NBPF9: variants seen among roughly 807,000 people sequenced by gnomAD.
NBPF9 encodes the protein NBPF family member NBPF9.
A neutral mutation model predicts 97.8 loss-of-function variants in NBPF9; 91 were observed. The observed-to-expected ratio is 0.93, with a 90% confidence interval of 0.79 to 1.11. The LOEUF (loss-of-function observed/expected upper bound fraction) is 1.11, where lower values mean the gene tolerates loss of function less well. NBPF9 is among the 50% of genes least tolerant of loss of function. The probability of loss-of-function intolerance (pLI) is 0.00; values close to 1 mark genes in which losing one functional copy is unlikely to be tolerated. For synonymous variants in NBPF9, 334 were observed against 359.5 expected (o/e 0.93, Z 0.80); for missense variants, 992 against 939.5 (o/e 1.06, Z -0.73).
intron 7 of NBPF9, among the ~76,000 whole-genome samples, chr1:149,081,101 T>C: frequency 6.6e-6 from 1 of 152,182 alleles, no homozygotes; most frequent in African/African-American, 2.4e-5. Context: ...TCTTTTATTT[T>C]TATTTTTGAT....
chr1:149,097,211 G>T (rs1377239000), intron 4 of NBPF9, among the ~76,000 whole-genome samples: 3 of 151,258 alleles, frequency 2.0e-5, no homozygotes, highest in African/African-American at 7.3e-5. Flanking sequence ...GGAAGGAAAT[G>T]AACAAATTTA....
chr1:149,072,659 G>T, intron 14 of NBPF9, 59 bp downstream of exon 14: 1 of 1,550,386 alleles, frequency 6.5e-7, no homozygotes, highest in Non-Finnish European at 8.9e-7. Flanking sequence ...AAAGTATGGA[G>T]GTCTGGAGCC....
intron 7 of NBPF9, among the ~76,000 whole-genome samples, chr1:149,081,355 T>C (rs1422513084): frequency 6.6e-6 from 1 of 151,944 alleles, no homozygotes; most frequent in Non-Finnish European, 1.5e-5. Flanking sequence ...GCTGACCTCG[T>C]GCTCTGCCCG....
In NBPF9 at chr1:149,082,303, C is replaced by T; in HGVS notation, c.-67G>A. 3 of 1,554,222 alleles carry T rather than the reference C, an allele frequency of 1.9e-6. No individual in the cohort carries two copies. The highest frequency in any genetic ancestry group is 1.4e-5 in the African/African-American group (1 of 72,036). ...GTTGTGAAAAATGTGATCACTCCCA[C>T]AGCACTTTAGGATCCTTCACCACAA... On this transcript the variant is annotated 5_prime_UTR_variant, in exon 6 of 30. The change creates a new upstream start codon in the 5' untranslated region. Transcript: ENST00000584027.
rs1553653417 is a variant in NBPF9 at position 149,073,206 on chromosome 1, A to G, written c.1092-274T>C. On this transcript the variant is annotated intron_variant, in intron 13 of 29. Transcript: ENST00000584027. ...GTAGGTGTTTTCCTAATTCCATTTC[A>G]AAAAGACATCCTTTCAGTTCCTCAC... Among the ~76,000 whole-genome samples the G allele has an allele frequency of 2.0e-5, 3 of 148,516 alleles. No individual in the cohort carries two copies. In the South Asian group the frequency reaches 6.6e-4, roughly 32 times the overall value.
intron 7 of NBPF9, 31 bp downstream of exon 7, chr1:149,081,934 A>C (rs2080490768): frequency 4.3e-5 from 63 of 1,452,798 alleles, no homozygotes; most frequent in Non-Finnish European, 6.0e-5. Flanking sequence ...ATCATTCATC[A>C]CTTTCATGAC....
chr1:149,095,531 C>T (rs2081690993), intron 4 of NBPF9, among the ~76,000 whole-genome samples: 1 of 145,406 alleles, frequency 6.9e-6, no homozygotes, highest in Non-Finnish European at 1.5e-5. Flanking sequence ...AAAAGCAAGT[C>T]ACAGACTGGG....
intron 14 of NBPF9, 52 bp downstream of exon 14, chr1:149,072,666 A>G (rs2079509581): frequency 2.5e-6 from 4 of 1,580,238 alleles, no homozygotes; most frequent in East Asian, 2.2e-5. Flanking sequence ...GGAGGTCTGG[A>G]GCCTCTCATA....
chr1:149,093,015 G>T (rs1559544306), intron 4 of NBPF9, among the ~76,000 whole-genome samples: 1 of 151,580 alleles, frequency 6.6e-6, no homozygotes, highest in Admixed American at 6.6e-5. Context: ...GCATACAGAG[G>T]ACCCATGCCG....
intron 4 of NBPF9, among the ~76,000 whole-genome samples, chr1:149,096,965 A>C (rs1445765596): frequency 2.7e-5 from 4 of 148,620 alleles, no homozygotes; most frequent in Non-Finnish European, 5.9e-5. Flanking sequence ...AGTGTGGTCT[A>C]TTTAAAAAAG....
Position 149,059,803 on chromosome 1 carries a change from C to T in NBPF9, c.2482G>A (p.Glu828Lys), listed in dbSNP as rs2078483455. 7.6e-6 allele frequency: 4 copies of T among 524,956 alleles called. 1 individual carries two copies. The East Asian group carries it at 8.2e-5, about 11-fold the overall frequency. 32.5% of individuals were successfully genotyped at this position (524,956 alleles called of 1,614,324 possible). A position where few individuals can be genotyped will look rare whatever the true frequency, so the allele number is the denominator to read the frequency against. Reference sequence around the variant, plus strand: ...CTTTTCTTCCCCTTCCCCTTCTTTTCAATTTCTGCAATAAATTCAGACATG... The same window carrying T: ...CTTTTCTTCCCCTTCCCCTTCTTTTTAATTTCTGCAATAAATTCAGACATG... The change falls in exon 25 of 30, where the codon GAA (glutamate) becomes AAA (lysine). Residue 828 changes from glutamate (E) to lysine (K), a missense_variant. By Grantham distance (56) the Glu-to-Lys change is moderately conservative. Transcript: ENST00000584027.
exon 22 of NBPF9, chr1:149,062,207 T>C: frequency 1.9e-6 from 2 of 1,039,920 alleles, no homozygotes; most frequent in Non-Finnish European, 3.0e-6. Flanking sequence ...GAATACCATC[T>C]ACCCAGTGAG....
Position 149,072,946 on chromosome 1 carries a change from G to A in NBPF9, c.1092-14C>T. 4 of 1,606,230 alleles carry A rather than the reference G, an allele frequency of 2.5e-6. No homozygotes were observed. The highest frequency in any genetic ancestry group is 1.1e-5 in the South Asian group (1 of 90,832). On this transcript the variant is annotated splice_polypyrimidine_tract_variant and intron_variant, in intron 13 of 29. Coordinates refer to ENST00000584027, the Ensembl canonical transcript of NBPF9. ...ACTTTATATTGCCTAAGGTGAGATG[G>A]TAGAGAAAAATTAAGAGTGGAAAGG...
At position 149,061,880 on chromosome 1, in the gene NBPF9, G is replaced by A. The variant is rs1213602931; in HGVS notation, c.2251+213C>T. ...AGCGGGCTCAGGTTGCCACAGGCATGGCTGGAGACTAGGAATGGAGCCTTG... is the reference window on the plus strand; with the variant it reads ...AGCGGGCTCAGGTTGCCACAGGCATAGCTGGAGACTAGGAATGGAGCCTTG... On this transcript the variant is annotated intron_variant, in intron 22 of 29. Transcript: ENST00000584027. The A allele has an allele frequency of 7.1e-6, 3 of 422,742 alleles. 1 individual carries two copies. The highest frequency in any genetic ancestry group is 1.3e-5 in the Non-Finnish European group (3 of 238,116). The allele number at this position is 422,742 out of a possible 1,614,324, so 26.2% of individuals were successfully genotyped here.
In NBPF9 at chr1:149,059,654, C is replaced by G; in HGVS notation, c.2585+46G>C. 4 of 557,792 alleles carry G rather than the reference C, an allele frequency of 7.2e-6. 1 individual carries two copies. The highest frequency in any genetic ancestry group is 5.6e-5 in the South Asian group (3 of 53,544). 34.6% of individuals were successfully genotyped at this position (557,792 alleles called of 1,614,324 possible). On this transcript the variant is annotated intron_variant, in intron 25 of 29. Transcript: ENST00000584027. ...TCTGGTTTCCCTGAATCTGTTGCCT[C>G]CAGGTGTTAACACAGAACTAAGGAT...
rs1256314382 is a variant in NBPF9, at chr1:149,078,879, C to T, written c.493+128G>A. On this transcript the variant is annotated intron_variant, in intron 9 of 29. Transcript: ENST00000584027. ...CTGTTCTTACCCAGGAAGTCCTGATCGTGTCATGGCCACATATGTGTAGCA... is the reference window on the plus strand; with the variant it reads ...CTGTTCTTACCCAGGAAGTCCTGATTGTGTCATGGCCACATATGTGTAGCA... 7.8e-5 allele frequency: 121 copies of T among 1,541,876 alleles called. No individual in the cohort carries two copies. The East Asian group carries it at 1.2e-3, about 15-fold the overall frequency.
chr1:149,065,621 G>C lies in NBPF9; in HGVS notation c.1706C>G (p.Ser569Ter), dbSNP rs782603219. ...CGAGGCCAACATTTCAGGAGGAATT[G>C]AGGGAGTCGAATAACCTTCATCCCA... is the stretch of plus-strand genomic sequence containing the variant. The change falls in exon 18 of 30, where the codon TCA (serine) becomes TGA (stop). Residue 569 changes from serine (S) to a stop codon, truncating the protein, a stop_gained. Coordinates refer to ENST00000584027, the Ensembl canonical transcript of NBPF9. LOFTEE classifies it high-confidence loss of function. The C allele has an allele frequency of 2.2e-5, 35 of 1,603,308 alleles. 2 individuals are homozygous for C. Among genetic ancestry groups the C allele is most frequent in the Non-Finnish European group, 2.7e-5 (32 of 1,178,692 alleles).
At position 149,094,160 on chromosome 1, in the gene NBPF9, G is replaced by A. The variant is rs587740345; in HGVS notation, c.-336-3266C>T. Among the ~76,000 whole-genome samples the A allele has an allele frequency of 8.6e-5, 13 of 151,682 alleles. No individual in the cohort carries two copies. The South Asian group carries it at 1.3e-3, about 15-fold the overall frequency. On this transcript the variant is annotated intron_variant, in intron 4 of 29. Transcript: ENST00000584027. Reference sequence around the variant, plus strand: ...CCAAAAGAAAAGATAAAATAAAGACGGTTCACTACTTAACTCCAAATATTA... The same window carrying A: ...CCAAAAGAAAAGATAAAATAAAGACAGTTCACTACTTAACTCCAAATATTA...
intron 7 of NBPF9, among the ~76,000 whole-genome samples, chr1:149,081,100 T>G (rs1479478238): frequency 2.0e-5 from 3 of 152,044 alleles, no homozygotes; most frequent in Non-Finnish European, 4.4e-5. Flanking sequence ...CTCTTTTATT[T>G]TTATTTTTGA....
Sources: gnomAD v4.1 joint callset for allele counts (sites outside exome capture counted in the v4.1 genomes callset) on GRCh38, gnomAD v4.1.1 for gene constraint, MANE v1.5 for transcripts, NCBI Gene and HGNC (gene_info 2026-07-23, HGNC 2026-07-21) for gene names.